CADM2: variants seen among roughly 807,000 people sequenced by gnomAD.
CADM2 encodes the protein cell adhesion molecule 2.
CADM2 carries 12 observed loss-of-function variants against 49.8 expected under a neutral mutation model. The observed-to-expected ratio is 0.24, with a 90% CI of 0.15 to 0.39. The LOEUF (loss-of-function observed/expected upper bound fraction) is 0.39. Among genes scored for constraint, CADM2 ranks in the 10% least tolerant of loss-of-function variants. The pLI is 1.00. For synonymous variants in CADM2, 214 were observed against 175.4 expected (o/e 1.22, Z -1.74); for missense variants, 378 against 492.3 (o/e 0.77, Z 2.20).
chr3:85,455,021 C>G (rs1007869867), intron 1 of CADM2, among the ~76,000 whole-genome samples: 27 of 152,276 alleles, frequency 1.8e-4, no homozygotes, highest in African/African-American at 6.3e-4. Flanking sequence ...GTTGAAACAA[C>G]TTTGTGGACA....
intron 1 of CADM2, among the ~76,000 whole-genome samples, chr3:85,233,011 G>A (rs1031124671): frequency 5.3e-5 from 8 of 152,146 alleles, no homozygotes; most frequent in South Asian, 4.1e-4. Context: ...ATAGTTGAAT[G>A]TATAAGCAAA....
At chr3:85,855,640 ATT>A (rs2075287174) in intron 3 of CADM2, among the ~76,000 whole-genome samples, 2 of 129,234 alleles carry the variant, frequency 1.5e-5, no homozygotes, top group African/African-American at 5.8e-5. Flanking sequence ...ATATATATAT[ATT>A]TTGAGACGGA....
chr3:85,728,322 TG>T (rs2067789283), intron 2 of CADM2, among the ~76,000 whole-genome samples: 1 of 152,168 alleles, frequency 6.6e-6, no homozygotes, highest in South Asian at 2.1e-4. Flanking sequence ...TATACTAGCC[TG>T]TAGGGGCCTT....
chr3:86,044,483 G>A (rs1736384990), intron 8 of CADM2, among the ~76,000 whole-genome samples: 1 of 152,168 alleles, frequency 6.6e-6, no homozygotes, highest in South Asian at 2.1e-4. Context: ...CTGGCCATCA[G>A]AAAAATGCAA....
At chr3:85,852,446 A>G (rs2075145550) in intron 3 of CADM2, among the ~76,000 whole-genome samples, 1 of 152,114 alleles carries the variant, frequency 6.6e-6, no homozygotes, top group African/African-American at 2.4e-5. Context: ...AGTGGACATT[A>G]AATAAATACT....
At chr3:85,052,902 T>C (rs1038939401) in intron 1 of CADM2, among the ~76,000 whole-genome samples, 2 of 152,074 alleles carry the variant, frequency 1.3e-5, no homozygotes, top group African/African-American at 4.8e-5. Context: ...CAAATTTTCT[T>C]GTTTGTTCTA....
chr3:86,054,823 A>G (rs181796529), intron 8 of CADM2, among the ~76,000 whole-genome samples: 284 of 152,084 alleles, frequency 1.9e-3, no homozygotes, highest in African/African-American at 6.0e-3. Flanking sequence ...ACCTTAATTT[A>G]TCTTTTTAGA....
chr3:85,225,011 G>A (rs991628417), intron 1 of CADM2, among the ~76,000 whole-genome samples: 1 of 152,238 alleles, frequency 6.6e-6, no homozygotes, highest in South Asian at 2.1e-4. Flanking sequence ...TAAACTTATA[G>A]TATAGTTTGA....
chr3:85,280,998 G>GA (rs1160293018), intron 1 of CADM2, among the ~76,000 whole-genome samples: 1 of 151,592 alleles, frequency 6.6e-6, no homozygotes, highest in South Asian at 2.1e-4. Flanking sequence ...ATAAGTTCAG[G>GA]AAAAAAATAA....
At chr3:84,976,311 T>C (rs948148443) in intron 1 of CADM2, among the ~76,000 whole-genome samples, 2 of 151,678 alleles carry the variant, frequency 1.3e-5, no homozygotes, top group Non-Finnish European at 3.0e-5. Flanking sequence ...GTAGAAAGTA[T>C]TTAAATTTAA....
At chr3:85,889,709 T>G (rs924725371) in intron 5 of CADM2, among the ~76,000 whole-genome samples, 1 of 152,094 alleles carries the variant, frequency 6.6e-6, no homozygotes, top group East Asian at 1.9e-4. Context: ...TAGATATTAT[T>G]ATCATTATCA....
chr3:85,203,649 G>A (rs866174008), intron 1 of CADM2, among the ~76,000 whole-genome samples: 1 of 152,122 alleles, frequency 6.6e-6, no homozygotes, highest in Non-Finnish European at 1.5e-5. Flanking sequence ...AGACTTGCTC[G>A]GCTTAGGGTT....
At chr3:86,046,175 C>A (rs367781761) in intron 8 of CADM2, among the ~76,000 whole-genome samples, 157 of 152,096 alleles carry the variant, frequency 1.0e-3, no homozygotes, top group African/African-American at 3.1e-3. Context: ...TTTTATATAC[C>A]TAGTTAACCT....
chr3:85,583,148 T>C (rs2062843802), intron 1 of CADM2, among the ~76,000 whole-genome samples: 1 of 152,078 alleles, frequency 6.6e-6, no homozygotes, highest in Non-Finnish European at 1.5e-5. Flanking sequence ...AGTCTTTGAG[T>C]CCTACATGTC....
At chr3:86,012,546 A>G in intron 8 of CADM2, 15 of 1,458,412 alleles carry the variant, frequency 1.0e-5, no homozygotes, top group Non-Finnish European at 1.4e-5. Flanking sequence ...TGGGCCAGCC[A>G]GCGGGCGGGC....
intron 1 of CADM2, among the ~76,000 whole-genome samples, chr3:85,241,407 C>T (rs905485809): frequency 5.9e-5 from 9 of 151,474 alleles, no homozygotes; most frequent in East Asian, 1.9e-4. Flanking sequence ...TGTTTTTAAA[C>T]GAAAACTTGA....
At chr3:85,083,460 T>A (rs2037249716) in intron 1 of CADM2, among the ~76,000 whole-genome samples, 1 of 152,174 alleles carries the variant, frequency 6.6e-6, no homozygotes, top group Non-Finnish European at 1.5e-5. Context: ...GTGCACACCG[T>A]TCTTTTGAAA....
chr3:85,095,217 G>T (rs1358685974), intron 1 of CADM2, among the ~76,000 whole-genome samples: 1 of 152,112 alleles, frequency 6.6e-6, no homozygotes, highest in African/African-American at 2.4e-5. Context: ...AAAATCTAGA[G>T]ATGTGCATAC....
chr3:85,951,914 A>T (rs1189378849), intron 7 of CADM2, among the ~76,000 whole-genome samples: 1 of 151,008 alleles, frequency 6.6e-6, no homozygotes, highest in African/African-American at 2.4e-5. Flanking sequence ...AAAACAAAAC[A>T]AATCTGATTG....
Sources: allele counts gnomAD v4.1 joint callset (sites outside exome capture counted in the v4.1 genomes callset), GRCh38; gene constraint gnomAD v4.1.1; transcripts MANE v1.5; gene names NCBI Gene and HGNC (gene_info 2026-07-23, HGNC 2026-07-21).